Variants in HIKESHI observed in about 807,000 individuals in gnomAD.
The protein encoded by HIKESHI is heat shock protein nuclear import factor hikeshi.
HIKESHI carries 13 observed loss-of-function variants against 25.7 expected under a neutral mutation model. That is an observed-to-expected ratio of 0.51 (90% CI 0.33 to 0.80). HIKESHI has a LOEUF of 0.80. Ranked by LOEUF, HIKESHI falls within the 30% of genes least tolerant of loss-of-function variation. The pLI is 0.02. For synonymous variants in HIKESHI, 76 were observed against 78.7 expected, an observed-to-expected ratio of 0.97 and a Z score of 0.18; for missense variants, 174 against 229.5, an observed-to-expected ratio of 0.76 and a Z score of 1.56.
chr11:86,326,527 T>C (rs776810756), intron 2 of HIKESHI: 2 of 456,088 alleles, frequency 4.4e-6, no homozygotes, highest in South Asian at 3.1e-5. Context: ...TTATTGAACA[T>C]CTACTTGCTG....
chr11:86,311,266 A>G (rs1422277269), intron 2 of HIKESHI, among the ~76,000 whole-genome samples: 1 of 152,154 alleles, frequency 6.6e-6, no homozygotes, highest in African/African-American at 2.4e-5. Flanking sequence ...CAGGGATTCA[A>G]CTTCTTCCTG....
At chr11:86,314,489 C>T (rs1022360196) in intron 2 of HIKESHI, among the ~76,000 whole-genome samples, 3 of 152,086 alleles carry the variant, frequency 2.0e-5, no homozygotes, top group East Asian at 1.9e-4. Flanking sequence ...GTGGCATGTG[C>T]CTGTAGTCCC....
intron 1 of HIKESHI, among the ~76,000 whole-genome samples, chr11:86,303,082 G>C (rs1163363153): frequency 6.6e-6 from 1 of 152,174 alleles, no homozygotes; most frequent in Non-Finnish European, 1.5e-5. Flanking sequence ...CGAGTAGTGT[G>C]TTTCCTTATG....
intron 1 of HIKESHI, among the ~76,000 whole-genome samples, chr11:86,304,617 G>C (rs1946571966): frequency 6.7e-6 from 1 of 148,946 alleles, no homozygotes; most frequent in Non-Finnish European, 1.5e-5. Context: ...CCAGGTTCAA[G>C]CAATTCTCAT....
At chr11:86,320,022 T>C (rs1414911464) in intron 2 of HIKESHI, among the ~76,000 whole-genome samples, 1 of 152,218 alleles carries the variant, frequency 6.6e-6, no homozygotes, top group Non-Finnish European at 1.5e-5. Context: ...GGAGTTGTCA[T>C]AGGAAAGGCA....
intron 3 of HIKESHI, among the ~76,000 whole-genome samples, chr11:86,340,438 G>A (rs1000214254): frequency 5.3e-5 from 8 of 152,064 alleles, no homozygotes; most frequent in East Asian, 1.9e-4. Flanking sequence ...TTTAATGATC[G>A]CCATTCTAAC....
At chr11:86,342,803 A>G (rs201888315) in intron 3 of HIKESHI, among the ~76,000 whole-genome samples, 1 of 151,212 alleles carries the variant, frequency 6.6e-6, no homozygotes, top group African/African-American at 2.4e-5. Flanking sequence ...TTTTATTCCA[A>G]TTAGTTTATT....
chr11:86,318,275 T>C (rs1055814091), intron 2 of HIKESHI, among the ~76,000 whole-genome samples: 1 of 74,954 alleles, frequency 1.3e-5, no homozygotes, highest in Non-Finnish European at 2.5e-5. Flanking sequence ...TTGCACTCCA[T>C]CCTGGGCGAC....
intron 2 of HIKESHI, among the ~76,000 whole-genome samples, chr11:86,327,476 G>A (rs536717395): frequency 1.6e-4 from 24 of 152,078 alleles, no homozygotes; most frequent in Middle Eastern, 3.4e-3. Flanking sequence ...CACCACGCCC[G>A]GCTAATTTTT....
chr11:86,329,488 A>C (rs1947366059), intron 2 of HIKESHI, among the ~76,000 whole-genome samples: 1 of 152,026 alleles, frequency 6.6e-6, no homozygotes. Flanking sequence ...AATTAGCTCT[A>C]GTAGCTTTAG....
chr11:86,338,469 T>C (rs1218022149), intron 3 of HIKESHI, among the ~76,000 whole-genome samples: 1 of 152,168 alleles, frequency 6.6e-6, no homozygotes, highest in Non-Finnish European at 1.5e-5. Flanking sequence ...TGATGAGAAC[T>C]TGTGCAGGCT....
At chr11:86,328,259 T>G (rs746301163) in intron 2 of HIKESHI, among the ~76,000 whole-genome samples, 20 of 151,980 alleles carry the variant, frequency 1.3e-4, no homozygotes, top group Non-Finnish European at 2.8e-4. Context: ...CATTTACATT[T>G]CTTTTCTTTT....
At chr11:86,302,852 C>T (rs1946531949) in intron 1 of HIKESHI, among the ~76,000 whole-genome samples, 1 of 152,134 alleles carries the variant, frequency 6.6e-6, no homozygotes, top group African/African-American at 2.4e-5. Flanking sequence ...GAACTAAGTT[C>T]AATCGCCAGT....
rs1323519457 is a variant in HIKESHI, at chr11:86,328,427, G to GT, written c.269-8946dup. Among the ~76,000 whole-genome samples the GT allele has an allele frequency of 3.0e-3, 411 of 137,014 alleles. 9 individuals are homozygous for GT. The highest frequency in any genetic ancestry group is 9.6e-3 in the South Asian group (42 of 4,372). The allele number at this position is 137,014 out of a possible 152,430, so 89.9% of individuals were successfully genotyped here. ...GCACTCACCACCATGCGCAGCTAAT[G>GT]TTTTTTGTTTTTTTTTTTTTTTGAG... On this transcript the variant is annotated intron_variant, in intron 2 of 4. Transcript: ENST00000278483.
intron 2 of HIKESHI, among the ~76,000 whole-genome samples, chr11:86,337,009 A>G (rs1947581695): frequency 6.6e-6 from 1 of 152,130 alleles, no homozygotes; most frequent in Admixed American, 6.5e-5. Context: ...TGAAGGAGAA[A>G]TACTTTCCTA....
intron 2 of HIKESHI, among the ~76,000 whole-genome samples, chr11:86,333,025 A>T (rs1244277003): frequency 6.9e-6 from 1 of 144,498 alleles, no homozygotes; most frequent in Admixed American, 7.1e-5. Flanking sequence ...TATTTTGTTC[A>T]TAATGGCAAA....
At chr11:86,337,282 C>T in intron 2 of HIKESHI, 97 bp from the exon 3 acceptor site, 1 of 1,176,178 alleles carries the variant, frequency 8.5e-7, no homozygotes, top group Non-Finnish European at 1.2e-6. Flanking sequence ...AAAACTTTTT[C>T]ATGTATATAA....
chr11:86,340,153 G>T (rs914058707), intron 3 of HIKESHI, among the ~76,000 whole-genome samples: 10 of 152,098 alleles, frequency 6.6e-5, no homozygotes, highest in East Asian at 1.9e-4. Flanking sequence ...TCTATCATTG[G>T]TGGACATTTG....
At chr11:86,341,309 A>C (rs951976070) in intron 3 of HIKESHI, among the ~76,000 whole-genome samples, 2 of 151,448 alleles carry the variant, frequency 1.3e-5, no homozygotes, top group Non-Finnish European at 2.9e-5. Flanking sequence ...GTGTGGTACA[A>C]CGATTACATT....
Sources: allele counts gnomAD v4.1 joint callset (sites outside exome capture counted in the v4.1 genomes callset), GRCh38; gene constraint gnomAD v4.1.1; transcripts MANE v1.5; gene names NCBI Gene and HGNC (gene_info 2026-07-23, HGNC 2026-07-21).